The following SLC35F3 variants were observed in gnomAD, a reference collection of about 807,000 sequenced individuals.
SLC35F3 encodes the protein solute carrier family 35 member F3.
In SLC35F3, 25 loss-of-function variants were observed where a neutral mutation model predicts 49.9. That is an observed-to-expected ratio of 0.50 (90% CI 0.37 to 0.70). The LOEUF is 0.70. Ranked by LOEUF, SLC35F3 falls within the 30% of genes least tolerant of loss-of-function variation. SLC35F3 has a pLI of 0.00. For synonymous variants in SLC35F3, 275 were observed against 265.4 expected (o/e 1.04, Z -0.35); for missense variants, 525 against 639.8 (o/e 0.82, Z 1.94).
At chr1:233,985,055 G>T (rs1663245175) in intron 2 of SLC35F3, among the ~76,000 whole-genome samples, 1 of 152,138 alleles carries the variant, frequency 6.6e-6, no homozygotes, top group Non-Finnish European at 1.5e-5. Context: ...CCATCTCCAA[G>T]GTGTAAAATG....
chr1:233,938,874 T>C (rs2102797804), intron 2 of SLC35F3, among the ~76,000 whole-genome samples: 1 of 152,254 alleles, frequency 6.6e-6, no homozygotes, highest in South Asian at 2.1e-4. Context: ...GAAAGCAGTA[T>C]TGGTTAACAA....
chr1:233,965,058 A>C (rs1170826242), intron 2 of SLC35F3, among the ~76,000 whole-genome samples: 1 of 152,204 alleles, frequency 6.6e-6, no homozygotes, highest in Non-Finnish European at 1.5e-5. Flanking sequence ...AAAGAAATAC[A>C]GGATTAGGTC....
chr1:234,309,349 C>T, intron 4 of SLC35F3, 29 bp downstream of exon 4: 2 of 1,602,558 alleles, frequency 1.2e-6, no homozygotes, highest in African/African-American at 1.3e-5. Flanking sequence ...GTCTTCCTCC[C>T]TCACTCAGTC....
At chr1:233,941,124 T>A (rs535607570) in intron 2 of SLC35F3, among the ~76,000 whole-genome samples, 3 of 152,326 alleles carry the variant, frequency 2.0e-5, no homozygotes, top group African/African-American at 7.2e-5. Flanking sequence ...ACACACCGTA[T>A]ATGGTTATAA....
At chr1:234,105,962 C>T (rs1438463243) in intron 2 of SLC35F3, among the ~76,000 whole-genome samples, 1 of 152,134 alleles carries the variant, frequency 6.6e-6, no homozygotes, top group East Asian at 1.9e-4. Context: ...TAGAGATGTT[C>T]TATTATTCCG....
At chr1:234,095,755 C>G (rs934630745) in intron 2 of SLC35F3, among the ~76,000 whole-genome samples, 1 of 152,180 alleles carries the variant, frequency 6.6e-6, no homozygotes, top group Non-Finnish European at 1.5e-5. Flanking sequence ...GGAACTTCAG[C>G]AGGTTGTTCC....
At chr1:234,232,533 A>AAAAAG (rs1667399816) in intron 3 of SLC35F3, among the ~76,000 whole-genome samples, 1 of 151,070 alleles carries the variant, frequency 6.6e-6, no homozygotes, top group Non-Finnish European at 1.5e-5. Context: ...AAAAAAAAAA[A>AAAAAG]AAAAAAAGAA....
intron 2 of SLC35F3, among the ~76,000 whole-genome samples, chr1:233,928,071 TAAACC>T (rs1662188029): frequency 6.6e-6 from 1 of 152,160 alleles, no homozygotes; most frequent in African/African-American, 2.4e-5. Context: ...AGACCTCTGA[TAAACC>T]CTTCCAACTT....
Position 233,992,085 on chromosome 1 carries a change from G to A in SLC35F3, c.283+86327G>A, listed in dbSNP as rs533878643. On this transcript the variant is annotated intron_variant, in intron 2 of 7. Transcript: ENST00000366618. ...ATAGAAGCAGACACCCAACCCACACGATGGTGAGCAACCTTCCAATCCCAG... is the reference window on the plus strand; with the variant it reads ...ATAGAAGCAGACACCCAACCCACACAATGGTGAGCAACCTTCCAATCCCAG... Among the ~76,000 whole-genome samples, 8 of 152,296 alleles carry A rather than the reference G, an allele frequency of 5.3e-5. 1 individual carries two copies. In the South Asian group the frequency reaches 1.7e-3, roughly 32 times the overall value.
chr1:234,145,717 T>C (rs1446877482), intron 2 of SLC35F3, among the ~76,000 whole-genome samples: 6 of 152,192 alleles, frequency 3.9e-5, no homozygotes, highest in Non-Finnish European at 5.9e-5. Context: ...ACAGAAGATA[T>C]GCATGGGTTA....
intron 2 of SLC35F3, among the ~76,000 whole-genome samples, chr1:233,921,435 G>A (rs1481577933): frequency 6.6e-6 from 1 of 152,098 alleles, no homozygotes; most frequent in East Asian, 1.9e-4. Flanking sequence ...CTCACTCTTA[G>A]TGGCACACAT....
chr1:234,288,509 G>T (rs1668458122), intron 3 of SLC35F3, among the ~76,000 whole-genome samples: 1 of 152,204 alleles, frequency 6.6e-6, no homozygotes, highest in African/African-American at 2.4e-5. Flanking sequence ...TTTAGTCTAT[G>T]TCTGTTGGCA....
intron 2 of SLC35F3, among the ~76,000 whole-genome samples, chr1:233,949,704 T>C (rs1662571665): frequency 6.6e-6 from 1 of 152,148 alleles, no homozygotes; most frequent in Admixed American, 6.5e-5. Flanking sequence ...GCAGGTTAAT[T>C]AGTGTCGCTA....
intron 3 of SLC35F3, among the ~76,000 whole-genome samples, chr1:234,268,211 G>A (rs375362733): frequency 1.3e-5 from 2 of 152,176 alleles, no homozygotes; most frequent in African/African-American, 4.8e-5. Flanking sequence ...CCGGCACCTC[G>A]GGAGGCCGAG....
In SLC35F3 at chr1:234,309,323, A is replaced by G; in HGVS notation, c.828+3A>G. The G allele has an allele frequency of 6.2e-7, 1 of 1,613,678 alleles. No individual in the cohort carries two copies. Among genetic ancestry groups the G allele is most frequent in the Non-Finnish European group, 8.5e-7 (1 of 1,179,624 alleles). Reference sequence around the variant, plus strand: ...GGGACAGATTCATGGGAGTGAGGGTAAGTTCCTTATTATCTGTCTTCCTCC... The same window carrying G: ...GGGACAGATTCATGGGAGTGAGGGTGAGTTCCTTATTATCTGTCTTCCTCC... On this transcript the variant is annotated splice_donor_region_variant and intron_variant, in intron 4 of 7. Coordinates refer to ENST00000366618, the MANE Select transcript of SLC35F3 (RefSeq NM_173508.4).
At chr1:234,250,381 G>A (rs1439032381) in intron 3 of SLC35F3, among the ~76,000 whole-genome samples, 1 of 152,204 alleles carries the variant, frequency 6.6e-6, no homozygotes, top group South Asian at 2.1e-4. Flanking sequence ...TGGGCCGGGC[G>A]CGGTGGCTCA....
intron 2 of SLC35F3, among the ~76,000 whole-genome samples, chr1:234,008,343 T>C (rs775921924): frequency 6.6e-6 from 1 of 152,212 alleles, no homozygotes; most frequent in East Asian, 1.9e-4. Flanking sequence ...GCACCATCAT[T>C]TGCTTTTCCC....
chr1:234,153,800 G>T (rs975437186), intron 2 of SLC35F3, among the ~76,000 whole-genome samples: 3 of 151,342 alleles, frequency 2.0e-5, no homozygotes, highest in East Asian at 2.0e-4. Context: ...GGGGCCGGAC[G>T]CAGTGGCTCA....
At chr1:234,193,396 G>A (rs2102930244) in intron 2 of SLC35F3, among the ~76,000 whole-genome samples, 1 of 152,210 alleles carries the variant, frequency 6.6e-6, no homozygotes, top group African/African-American at 2.4e-5. Context: ...GCTGCATATA[G>A]GAGGATAAAA....
Sources: gnomAD v4.1 joint callset for allele counts (sites outside exome capture counted in the v4.1 genomes callset) on GRCh38, gnomAD v4.1.1 for gene constraint, MANE v1.5 for transcripts, NCBI Gene and HGNC (gene_info 2026-07-23, HGNC 2026-07-21) for gene names.